Variants in CDKAL1 observed in about 807,000 individuals in gnomAD.
The protein encoded by CDKAL1 is threonylcarbamoyladenosine tRNA methylthiotransferase.
CDKAL1 carries 32 observed loss-of-function variants against 68.2 expected under a neutral mutation model. The ratio of observed to expected loss-of-function variants is 0.47; its 90% CI spans 0.35 to 0.63. CDKAL1 has a LOEUF of 0.63. CDKAL1 is among the 30% of genes least tolerant of loss of function. The pLI is 0.00. For synonymous variants in CDKAL1, 234 were observed against 244.3 expected (o/e 0.96, Z 0.39); for missense variants, 606 against 696.7 (o/e 0.87, Z 1.47).
intron 4 of CDKAL1, among the ~76,000 whole-genome samples, chr6:20,580,342 C>G (rs987445202): frequency 1.3e-5 from 2 of 152,064 alleles, no homozygotes; most frequent in Non-Finnish European, 2.9e-5. Flanking sequence ...TGTGTGTAGG[C>G]GTTAGCTGCT....
intron 12 of CDKAL1, among the ~76,000 whole-genome samples, chr6:21,093,083 T>G (rs923502973): frequency 6.6e-6 from 1 of 152,176 alleles, no homozygotes; most frequent in Non-Finnish European, 1.5e-5. Flanking sequence ...AGGACATTTT[T>G]AATGACTGAA....
chr6:21,223,991 G>T (rs139668603), intron 15 of CDKAL1, among the ~76,000 whole-genome samples: 1 of 152,140 alleles, frequency 6.6e-6, no homozygotes, highest in South Asian at 2.1e-4. Context: ...CCTTGTAAAC[G>T]TGTAGAGCAT....
chr6:20,947,029 T>G (rs1327842152), intron 9 of CDKAL1, among the ~76,000 whole-genome samples: 2 of 152,200 alleles, frequency 1.3e-5, no homozygotes, highest in Admixed American at 1.3e-4. Flanking sequence ...AGACCTTATC[T>G]CTAAGGTTTA....
intron 13 of CDKAL1, among the ~76,000 whole-genome samples, chr6:21,171,914 C>G (rs141200440): frequency 1.3e-5 from 2 of 152,098 alleles, no homozygotes; most frequent in Non-Finnish European, 2.9e-5. Flanking sequence ...GCTTATATTT[C>G]ATCCAGATTT....
At chr6:21,050,197 T>G (rs1219381189) in intron 11 of CDKAL1, among the ~76,000 whole-genome samples, 2 of 152,240 alleles carry the variant, frequency 1.3e-5, no homozygotes, top group Non-Finnish European at 2.9e-5. Context: ...CATCTTTGAT[T>G]ATAAATATTA....
intron 11 of CDKAL1, among the ~76,000 whole-genome samples, chr6:21,012,549 TAAG>T (rs1768081368): frequency 6.6e-6 from 1 of 152,102 alleles, no homozygotes. Context: ...AGAATGGAAA[TAAG>T]AGAATATTTA....
intron 15 of CDKAL1, among the ~76,000 whole-genome samples, chr6:21,213,661 C>T (rs1335590836): frequency 6.6e-6 from 1 of 152,170 alleles, no homozygotes; most frequent in African/African-American, 2.4e-5. Context: ...AGGTCTTCTT[C>T]TCTTAAATAT....
chr6:21,017,853 A>G lies in CDKAL1; in HGVS notation c.1055+17481A>G, dbSNP rs1054995512. 4.6e-5 allele frequency among the ~76,000 whole-genome samples: 7 copies of G among 151,216 alleles called. No homozygotes were observed. The East Asian group carries it at 7.7e-4, about 17-fold the overall frequency. On this transcript the variant is annotated intron_variant, in intron 11 of 15. Transcript: ENST00000274695. Reference sequence around the variant, plus strand: ...TTTCTTGGGTTTAATTTAATTTCTTATACATTAAAATATATAAAATTTAAT... The same window carrying G: ...TTTCTTGGGTTTAATTTAATTTCTTGTACATTAAAATATATAAAATTTAAT...
At chr6:20,811,725 G>A (rs1332898975) in intron 8 of CDKAL1, among the ~76,000 whole-genome samples, 1 of 149,910 alleles carries the variant, frequency 6.7e-6, no homozygotes, top group Admixed American at 6.7e-5. Context: ...TAATCTGCGG[G>A]TTATGTGTTG....
chr6:20,750,624 A>G (rs1440819727), intron 6 of CDKAL1, among the ~76,000 whole-genome samples: 1 of 152,090 alleles, frequency 6.6e-6, no homozygotes, highest in Non-Finnish European at 1.5e-5. Context: ...ATTGGCAAAA[A>G]TCTATCTTGA....
intron 4 of CDKAL1, among the ~76,000 whole-genome samples, chr6:20,629,181 A>G (rs1400617446): frequency 6.6e-6 from 1 of 152,202 alleles, no homozygotes; most frequent in African/African-American, 2.4e-5. Context: ...AGTACAGGCC[A>G]GTTACTTGAG....
At chr6:20,594,200 TC>T (rs1319189858) in intron 4 of CDKAL1, among the ~76,000 whole-genome samples, 7 of 152,202 alleles carry the variant, frequency 4.6e-5, no homozygotes, top group African/African-American at 1.7e-4. Context: ...GTCTGCTTGT[TC>T]CAGAGCTGAG....
At chr6:20,654,526 A>G (rs1404454540) in intron 5 of CDKAL1, among the ~76,000 whole-genome samples, 1 of 151,974 alleles carries the variant, frequency 6.6e-6, no homozygotes, top group Non-Finnish European at 1.5e-5. Context: ...TCTTACTCTG[A>G]AGCTATTAAG....
intron 8 of CDKAL1, among the ~76,000 whole-genome samples, chr6:20,803,085 A>G (rs1014304685): frequency 1.1e-4 from 16 of 152,194 alleles, no homozygotes; most frequent in African/African-American, 3.6e-4. Context: ...GCCATCTCTC[A>G]AGTGTATAGG....
At chr6:20,540,498 C>T (rs1456438860) in intron 2 of CDKAL1, among the ~76,000 whole-genome samples, 3 of 151,754 alleles carry the variant, frequency 2.0e-5, no homozygotes, top group Middle Eastern at 6.3e-3. Flanking sequence ...CTTTGTCGCC[C>T]AGGCTGGAGT....
At chr6:21,117,391 A>C (rs1336881946) in intron 13 of CDKAL1, among the ~76,000 whole-genome samples, 3 of 151,286 alleles carry the variant, frequency 2.0e-5, no homozygotes, top group Admixed American at 6.6e-5. Flanking sequence ...TAATCCCAGC[A>C]TTTTGAGAGG....
At chr6:21,063,571 A>T (rs1215522082) in intron 11 of CDKAL1, among the ~76,000 whole-genome samples, 1 of 152,234 alleles carries the variant, frequency 6.6e-6, no homozygotes, top group East Asian at 1.9e-4. Flanking sequence ...TAATCAACAG[A>T]CAAATTGCAG....
chr6:21,184,177 C>T (rs1777911642), intron 13 of CDKAL1, among the ~76,000 whole-genome samples: 2 of 149,976 alleles, frequency 1.3e-5, no homozygotes, highest in African/African-American at 5.0e-5. Flanking sequence ...TATTTTACCC[C>T]GAAATACATT....
At chr6:20,794,799 T>C (rs1264561625) in intron 8 of CDKAL1, among the ~76,000 whole-genome samples, 1 of 152,154 alleles carries the variant, frequency 6.6e-6, no homozygotes, top group Non-Finnish European at 1.5e-5. Context: ...TGATACACCT[T>C]CATCTTTAGG....
Sources: gnomAD v4.1 joint callset for allele counts (sites outside exome capture counted in the v4.1 genomes callset) on GRCh38, gnomAD v4.1.1 for gene constraint, MANE v1.5 for transcripts, NCBI Gene and HGNC (gene_info 2026-07-23, HGNC 2026-07-21) for gene names.